Variants in TBC1D5 observed in about 807,000 individuals in gnomAD.
TBC1D5 encodes the protein TBC1 domain family member 5.
TBC1D5 carries 75 observed loss-of-function variants against 100.3 expected under a neutral mutation model. The observed-to-expected ratio is 0.75, with a 90% CI of 0.62 to 0.91. The LOEUF (loss-of-function observed/expected upper bound fraction) is 0.91, where lower values mean the gene tolerates loss of function less well. TBC1D5 is among the 40% of genes least tolerant of loss of function. The probability of loss-of-function intolerance (pLI) is 0.00; values close to 1 mark genes in which losing one functional copy is unlikely to be tolerated. For missense variants in TBC1D5, 910 were observed against 942.4 expected (o/e 0.97, Z 0.45); for synonymous variants, 323 against 325.6 (o/e 0.99, Z 0.09).
chr3:17,187,553 T>G (rs903613431), intron 18 of TBC1D5, among the ~76,000 whole-genome samples: 1 of 152,234 alleles, frequency 6.6e-6, no homozygotes, highest in Non-Finnish European at 1.5e-5. Flanking sequence ...CCCAAATTCC[T>G]GATCCACAGA....
At chr3:17,157,478 C>T (rs2065683533) in exon 22 of TBC1D5, 1 of 152,256 alleles carries the variant, frequency 6.6e-6, no homozygotes, top group Admixed American at 6.5e-5. Context: ...AGAAGGAAGC[C>T]TGGCTTGCCA....
chr3:17,258,059 G>A (rs1028616387), intron 16 of TBC1D5, among the ~76,000 whole-genome samples: 3 of 152,056 alleles, frequency 2.0e-5, no homozygotes, highest in Non-Finnish European at 4.4e-5. Flanking sequence ...AAATTTCTAT[G>A]TATGCAATCA....
At chr3:17,561,089 G>A (rs1021039121) in intron 2 of TBC1D5, among the ~76,000 whole-genome samples, 1 of 152,146 alleles carries the variant, frequency 6.6e-6, no homozygotes, top group African/African-American at 2.4e-5. Flanking sequence ...GATTGGCACA[G>A]AACACATGGA....
At chr3:17,640,855 T>C (rs2064430514) in intron 1 of TBC1D5, among the ~76,000 whole-genome samples, 1 of 152,020 alleles carries the variant, frequency 6.6e-6, no homozygotes, top group Non-Finnish European at 1.5e-5. Context: ...TTCAATCAGC[T>C]AGATATTAGG....
chr3:17,421,306 T>C (rs968082404), intron 4 of TBC1D5, among the ~76,000 whole-genome samples: 3 of 152,222 alleles, frequency 2.0e-5, no homozygotes, highest in Admixed American at 2.0e-4. Flanking sequence ...AAAAAGGCTA[T>C]ACATTTTGTG....
chr3:17,735,377 C>CA (rs2076884664), intron 1 of TBC1D5, among the ~76,000 whole-genome samples: 1 of 152,130 alleles, frequency 6.6e-6, no homozygotes, highest in Non-Finnish European at 1.5e-5. Context: ...AAAACAACTG[C>CA]AAACAACAAA....
At chr3:17,426,462 G>A (rs1285846947) in intron 4 of TBC1D5, among the ~76,000 whole-genome samples, 1 of 151,978 alleles carries the variant, frequency 6.6e-6, no homozygotes, top group Non-Finnish European at 1.5e-5. Flanking sequence ...GCACTGGCCT[G>A]CCAACTATTA....
chr3:17,428,008 A>C (rs979625871), intron 4 of TBC1D5, among the ~76,000 whole-genome samples: 24 of 152,072 alleles, frequency 1.6e-4, no homozygotes, highest in African/African-American at 3.6e-4. Context: ...ATATTAGCAA[A>C]GAGCACTTAA....
intron 2 of TBC1D5, among the ~76,000 whole-genome samples, chr3:17,615,374 T>C (rs906997066): frequency 9.9e-5 from 15 of 152,204 alleles, no homozygotes; most frequent in African/African-American, 3.6e-4. Flanking sequence ...TGCCAGGTGT[T>C]GGTATCAGAA....
intron 18 of TBC1D5, among the ~76,000 whole-genome samples, chr3:17,206,807 T>C (rs1251651116): frequency 6.6e-6 from 1 of 152,224 alleles, no homozygotes; most frequent in Non-Finnish European, 1.5e-5. Context: ...TGGTATGTAT[T>C]ATAATTATTA....
At chr3:17,427,046 GAC>G (rs2094350958) in intron 4 of TBC1D5, among the ~76,000 whole-genome samples, 1 of 151,822 alleles carries the variant, frequency 6.6e-6, no homozygotes, top group African/African-American at 2.4e-5. Flanking sequence ...AATCAGCTAT[GAC>G]ACACTCGAAT....
chr3:17,547,320 G>A (rs1158780934), intron 2 of TBC1D5, among the ~76,000 whole-genome samples: 1 of 152,014 alleles, frequency 6.6e-6, no homozygotes, highest in Non-Finnish European at 1.5e-5. Context: ...TCTCAGAAGG[G>A]TGATTACTTC....
chr3:17,623,527 A>G (rs750726970), intron 2 of TBC1D5, among the ~76,000 whole-genome samples: 3 of 152,222 alleles, frequency 2.0e-5, no homozygotes, highest in African/African-American at 4.8e-5. Flanking sequence ...AGAGTGCCAT[A>G]AAAGTACAAT....
At chr3:17,632,161 T>C (rs2063553404) in intron 1 of TBC1D5, among the ~76,000 whole-genome samples, 1 of 152,170 alleles carries the variant, frequency 6.6e-6, no homozygotes, top group Non-Finnish European at 1.5e-5. Flanking sequence ...TGGAAAAAGA[T>C]TATTTGAACC....
intron 15 of TBC1D5, among the ~76,000 whole-genome samples, chr3:17,269,370 T>C (rs773518556): frequency 3.9e-5 from 6 of 152,208 alleles, no homozygotes; most frequent in Admixed American, 6.5e-5. Flanking sequence ...GGACTGCCGA[T>C]AGCAGAGAGA....
At chr3:17,271,909 G>A (rs1376052731) in intron 15 of TBC1D5, among the ~76,000 whole-genome samples, 1 of 151,994 alleles carries the variant, frequency 6.6e-6, no homozygotes, top group Non-Finnish European at 1.5e-5. Flanking sequence ...TATACAAGAC[G>A]ACCATCTGCA....
intron 1 of TBC1D5, among the ~76,000 whole-genome samples, chr3:17,698,625 A>C (rs1401759126): frequency 6.8e-6 from 1 of 147,196 alleles, no homozygotes; most frequent in South Asian, 2.3e-4. Context: ...AATGGGAGAA[A>C]ATTTTCGCAA....
intron 2 of TBC1D5, among the ~76,000 whole-genome samples, chr3:17,530,786 C>A (rs1170378841): frequency 6.6e-6 from 1 of 152,190 alleles, no homozygotes; most frequent in South Asian, 2.1e-4. Flanking sequence ...TTCAACAACC[C>A]TTCATGCTAA....
intron 1 of TBC1D5, among the ~76,000 whole-genome samples, chr3:17,651,038 C>T (rs2065498020): frequency 6.6e-6 from 1 of 152,110 alleles, no homozygotes; most frequent in South Asian, 2.1e-4. Flanking sequence ...GGGATAGCTG[C>T]ATATCATTTT....
Sources: allele counts gnomAD v4.1 joint callset (sites outside exome capture counted in the v4.1 genomes callset), GRCh38; gene constraint gnomAD v4.1.1; transcripts MANE v1.5; gene names NCBI Gene and HGNC (gene_info 2026-07-23, HGNC 2026-07-21).